The following PNP variants were observed in gnomAD, a reference collection of about 807,000 sequenced individuals.
PNP encodes purine nucleoside phosphorylase.
In PNP, 18 loss-of-function variants were observed where a neutral mutation model predicts 26.8. The ratio of observed to expected loss-of-function variants is 0.67; its 90% confidence interval spans 0.46 to 1.00. The LOEUF (loss-of-function observed/expected upper bound fraction) is 1.00, where lower values mean the gene tolerates loss of function less well. PNP is among the 50% of genes least tolerant of loss of function. The pLI, the probability that PNP is intolerant of heterozygous loss-of-function variation, is 0.00. For missense variants in PNP, 320 were observed against 362.9 expected (o/e 0.88, Z 0.96); for synonymous variants, 116 against 124.8 (o/e 0.93, Z 0.47).
At position 20,469,424 on chromosome 14, in the gene PNP, C is replaced by CGGCA; in HGVS notation, c.-99_-96dup. On this transcript the variant is annotated 5_prime_UTR_variant, in exon 1 of 6. Transcript: ENST00000361505. ...GTGAGCCAACTGTGCGAACCAGACCCGGCAGCCTTGCTCAGTTCAGCATAG... is the reference window on the plus strand; with the variant it reads ...GTGAGCCAACTGTGCGAACCAGACCCGGCAGGCAGCCTTGCTCAGTTCAGCATAG... 2.7e-6 allele frequency: 4 copies of CGGCA among 1,483,956 alleles called. No homozygotes were observed. The highest frequency in any genetic ancestry group is 2.8e-6 in the Non-Finnish European group (3 of 1,086,956). The allele number at this position is 1,483,956 out of a possible 1,614,324, so 91.9% of individuals were successfully genotyped here.
Position 20,475,131 on chromosome 14 carries a change from C to G in PNP, c.531C>G (p.Thr177=). ...CTATGAGGCAGAGGGCTCTCAGTAC[C>G]TGGAAACAAATGGGGGAGCAACGTG... ...DRTMRQRALS[T]WKQMGEQREL... Residue 177 remains threonine, a synonymous_variant, in exon 5 of 6, where the codon ACC becomes ACG. Transcript: ENST00000361505. The G allele has an allele frequency of 1.2e-6, 2 of 1,614,192 alleles. No homozygotes were observed. The highest frequency in any genetic ancestry group is 1.1e-5 in the South Asian group (1 of 91,088).
At chr14:20,472,216 T>C (rs1192351952) in intron 1 of PNP, 92 bp from the exon 2 acceptor site, 2 of 1,068,578 alleles carry the variant, frequency 1.9e-6, no homozygotes, top group Non-Finnish European at 2.9e-6. Flanking sequence ...GCTGCCTCAG[T>C]ATACCTGCCA....
At chr14:20,471,197 A>AT (rs397960222) in intron 1 of PNP, among the ~76,000 whole-genome samples, 13,471 of 90,660 alleles carry the variant, frequency 0.15, 1,088 homozygotes, top group African/African-American at 0.21. Flanking sequence ...CGCCCGGCTA[A>AT]TTTTTTTTTT....
At chr14:20,469,739 G>A in intron 1 of PNP, 1 of 696,626 alleles carries the variant, frequency 1.4e-6, no homozygotes, top group Non-Finnish European at 2.5e-6. Context: ...CGCGGGAATC[G>A]AGCTGGGGTG....
rs748196799 is a variant in PNP at position 20,476,417 on chromosome 14, G to A, written c.686G>A (p.Arg229Gln). The change falls in exon 6 of 6, where the codon CGG becomes CAG. Residue 229 changes from arginine to glutamine, a missense_variant. Transcript: ENST00000361505. ...ACAGTACCAGAAGTTATCGTTGCAC[G>A]GCACTGTGGACTTCGAGTCTTTGGC... Reference protein sequence around the residue: ...MSTVPEVIVARHCGLRVFGFS... With the variant: ...MSTVPEVIVAQHCGLRVFGFS... 2.7e-5 allele frequency: 44 copies of A among 1,613,998 alleles called. No homozygotes were observed. Among genetic ancestry groups the A allele is most frequent in the South Asian group, 6.6e-5 (6 of 91,064 alleles).
chr14:20,474,253 C>G, intron 2 of PNP: 1 of 528,414 alleles, frequency 1.9e-6, no homozygotes, highest in Non-Finnish European at 3.4e-6. Context: ...GCTGAACGCA[C>G]CCCATATCTC....
Position 20,476,118 on chromosome 14 carries a change from C to T in PNP, c.653-266C>T, listed in dbSNP as rs557687739. ...CCTCCTGAGTAACGGGGACCACAGG[C>T]GTACACTACCACACCTGGCTAATTT... is the stretch of plus-strand genomic sequence containing the variant. On this transcript the variant is annotated intron_variant, in intron 5 of 5. Transcript: ENST00000361505. Among the ~76,000 whole-genome samples, 468 of 152,182 alleles carry T rather than the reference C, an allele frequency of 3.1e-3. 3 individuals are homozygous for T. Among genetic ancestry groups the T allele is most frequent in the South Asian group, 7.5e-3 (36 of 4,822 alleles).
chr14:20,476,202 GC>G (rs1882107132), intron 5 of PNP, among the ~76,000 whole-genome samples, 181 bp from the exon 6 acceptor site: 1 of 152,164 alleles, frequency 6.6e-6, no homozygotes, highest in African/African-American at 2.4e-5. Context: ...AAACTCCCGG[GC>G]TCAAGACATC....
In PNP at chr14:20,475,119, G is replaced by T. The variant is rs1162450629; in HGVS notation, c.519G>T (p.Arg173Ser). ...CCTACGACCGGACTATGAGGCAGAGGGCTCTCAGTACCTGGAAACAAATGG... is the reference window on the plus strand; with the variant it reads ...CCTACGACCGGACTATGAGGCAGAGTGCTCTCAGTACCTGGAAACAAATGG... The part of the protein sequence containing the change: ...SDAYDRTMRQ[R>S]ALSTWKQMGE... The change falls in exon 5 of 6, where the codon AGG (arginine) becomes AGT (serine). Residue 173 changes from arginine (R) to serine (S), a missense_variant. Arg to Ser is a moderately radical substitution (Grantham distance 110). Coordinates refer to ENST00000361505, the MANE Select transcript of PNP (RefSeq NM_000270.4). 1 of 1,614,190 alleles carries T rather than the reference G, an allele frequency of 6.2e-7. No homozygotes were observed. The highest frequency in any genetic ancestry group is 8.5e-7 in the Non-Finnish European group (1 of 1,180,038).
At chr14:20,469,727 C>T (rs1185132250) in intron 1 of PNP, 192 bp downstream of exon 1, 39 of 756,918 alleles carry the variant, frequency 5.2e-5, no homozygotes, top group Non-Finnish European at 8.6e-5. Flanking sequence ...GGCAGGGACG[C>T]ACGCGGGAAT....
chr14:20,471,853 C>G (rs1457010211), intron 1 of PNP, among the ~76,000 whole-genome samples: 1 of 152,150 alleles, frequency 6.6e-6, no homozygotes, highest in African/African-American at 2.4e-5. Flanking sequence ...TAGGTGGGCA[C>G]CACCCTCAGG....
At chr14:20,476,067 G>C (rs2139339438) in intron 5 of PNP, among the ~76,000 whole-genome samples, 1 of 152,276 alleles carries the variant, frequency 6.6e-6, no homozygotes, top group Non-Finnish European at 1.5e-5. Flanking sequence ...CTGACTGCCT[G>C]GGCTCAAACA....
chr14:20,474,698 G>A (rs1448562403), intron 3 of PNP, 75 bp from the exon 4 acceptor site: 16 of 1,571,134 alleles, frequency 1.0e-5, no homozygotes, highest in East Asian at 2.2e-5. Context: ...TTTCTTTCAC[G>A]ATGTATGTCA....
intron 1 of PNP, among the ~76,000 whole-genome samples, chr14:20,471,300 C>T (rs952948427): frequency 1.3e-5 from 2 of 150,456 alleles, no homozygotes; most frequent in East Asian, 2.0e-4. Context: ...CCGCCCACCT[C>T]GGCCTCCCAA....
In PNP at chr14:20,472,490, G is replaced by C. The variant is rs201542748; in HGVS notation, c.181+13G>C. On this transcript the variant is annotated intron_variant, in intron 2 of 5. Transcript: ENST00000361505. The stretch of plus-strand genomic sequence containing the variant: ...CCCCGAAGTACAGGTACTGGCAAGG[G>C]AAAGTGGGGAATGGGACTGAGGGAT... 6.2e-7 allele frequency: 1 copy of C among 1,612,060 alleles called. No homozygotes were observed. The highest frequency in any genetic ancestry group is 2.2e-5 in the East Asian group (1 of 44,874).
At chr14:20,470,034 C>A (rs1881953520) in intron 1 of PNP, among the ~76,000 whole-genome samples, 1 of 152,180 alleles carries the variant, frequency 6.6e-6, no homozygotes, top group African/African-American at 2.4e-5. Flanking sequence ...CTCCTCCCTT[C>A]CTTCCAGACT....
Position 20,469,464 on chromosome 14 carries a change from TCGGATCGGAG to T in PNP, c.-49_-40del, listed in dbSNP as rs890066062. ...GTTCAGCATAGCGGAGCGGATCCGATCGGATCGGAGCGGATCGGAGCACACCGGAGCAGGC... is the reference window on the plus strand; with the variant it reads ...GTTCAGCATAGCGGAGCGGATCCGATCGGATCGGAGCACACCGGAGCAGGC... On this transcript the variant is annotated 5_prime_UTR_variant, in exon 1 of 6. Coordinates refer to ENST00000361505, the MANE Select transcript of PNP (RefSeq NM_000270.4). The T allele has an allele frequency of 1.0e-4, 155 of 1,548,860 alleles. No homozygotes were observed. The African/African-American group carries it at 1.3e-3, about 13-fold the overall frequency.
chr14:20,475,958 G>A (rs144180765), intron 5 of PNP, among the ~76,000 whole-genome samples: 1 of 152,266 alleles, frequency 6.6e-6, no homozygotes, highest in East Asian at 1.9e-4. Context: ...AGGCAATACA[G>A]AAGATAATTT....
At chr14:20,472,121 G>T (rs184194643) in intron 1 of PNP, among the ~76,000 whole-genome samples, 187 bp from the exon 2 acceptor site, 1 of 152,142 alleles carries the variant, frequency 6.6e-6, no homozygotes, top group Non-Finnish European at 1.5e-5. Context: ...CAGACTTGTA[G>T]TGGGCTTGAT....
Sources: allele counts gnomAD v4.1 joint callset (sites outside exome capture counted in the v4.1 genomes callset), GRCh38; gene constraint gnomAD v4.1.1; transcripts MANE v1.5; gene names NCBI Gene and HGNC (gene_info 2026-07-23, HGNC 2026-07-21).